Variants in GRIN2A observed in about 807,000 individuals in gnomAD.
The protein encoded by GRIN2A is glutamate ionotropic receptor NMDA type subunit 2A.
In GRIN2A, 22 loss-of-function variants were observed where a neutral mutation model predicts 113.4. The observed-to-expected ratio is 0.19, with a 90% CI of 0.14 to 0.28. The LOEUF is 0.28. Ranked by LOEUF, GRIN2A falls within the 10% of genes least tolerant of loss-of-function variation. The pLI, the probability that GRIN2A is intolerant of heterozygous loss-of-function variation, is 1.00. For missense variants in GRIN2A, 1,502 were observed against 1,887.0 expected, an observed-to-expected ratio of 0.80 and a Z score of 3.78; for synonymous variants, 827 against 738.4, an observed-to-expected ratio of 1.12 and a Z score of -1.94.
chr16:9,926,115 G>A (rs1417979930), intron 3 of GRIN2A, among the ~76,000 whole-genome samples: 1 of 152,126 alleles, frequency 6.6e-6, no homozygotes, highest in Non-Finnish European at 1.5e-5. Flanking sequence ...AATTCAGTCT[G>A]TCAAGGGGAA....
Position 9,941,675 on chromosome 16 carries a change from GA to G in GRIN2A, c.415-3125del, listed in dbSNP as rs944726449. 2.3e-3 allele frequency among the ~76,000 whole-genome samples: 351 copies of G among 151,676 alleles called. 3 individuals carry two copies. The highest frequency in any genetic ancestry group is 6.0e-3 in the African/African-American group (250 of 41,400). The stretch of plus-strand genomic sequence containing the variant: ...TCATTATGTGGCCTTGGATGGGGGG[GA>G]AAAAAAACACTCAGCCTTTCTAAGT... On this transcript the variant is annotated intron_variant, in intron 2 of 12. Coordinates refer to ENST00000330684, the MANE Select transcript of GRIN2A (RefSeq NM_001134407.3).
At chr16:10,057,804 G>A (rs950924407) in intron 2 of GRIN2A, among the ~76,000 whole-genome samples, 6 of 152,186 alleles carry the variant, frequency 3.9e-5, no homozygotes, top group Non-Finnish European at 7.3e-5. Flanking sequence ...TTAAGTAATG[G>A]GAGGGATACC....
At chr16:10,093,711 G>C (rs1022257721) in intron 2 of GRIN2A, among the ~76,000 whole-genome samples, 1 of 152,070 alleles carries the variant, frequency 6.6e-6, no homozygotes, top group Non-Finnish European at 1.5e-5. Flanking sequence ...TCACTGTCAC[G>C]TGATTCTGTG....
intron 3 of GRIN2A, among the ~76,000 whole-genome samples, chr16:9,924,213 G>A (rs1057044983): frequency 3.3e-5 from 5 of 149,800 alleles, no homozygotes; most frequent in African/African-American, 1.2e-4. Context: ...TCCATATTCT[G>A]TTTGGTATTA....
rs933314470 is a variant in GRIN2A at position 10,180,529 on chromosome 16, C to G, written c.-18-100G>C. On this transcript the variant is annotated intron_variant, in intron 1 of 12. Coordinates refer to ENST00000330684, the MANE Select transcript of GRIN2A (RefSeq NM_001134407.3). The surrounding 1 kb of genome is among the most constrained non-coding windows in gnomAD (Gnocchi z 7.0). The stretch of plus-strand genomic sequence containing the variant: ...CCTGCTCTAGGAGCCAGGCATGGAA[C>G]TCAGCAGCAGGATAGGCTGCTGGGA... The G allele has an allele frequency of 3.9e-5, 59 of 1,525,934 alleles. No homozygotes were observed. The highest frequency in any genetic ancestry group is 4.8e-5 in the Non-Finnish European group (55 of 1,142,550). The allele number at this position is 1,525,934 out of a possible 1,614,324, so 94.5% of individuals were successfully genotyped here.
intron 7 of GRIN2A, among the ~76,000 whole-genome samples, chr16:9,840,329 G>A (rs1464239660): frequency 2.0e-5 from 3 of 151,838 alleles, no homozygotes; most frequent in Non-Finnish European, 4.4e-5. Flanking sequence ...TATAATGAGA[G>A]CCCCTTATTA....
At chr16:10,052,125 A>T (rs2047369830) in intron 2 of GRIN2A, among the ~76,000 whole-genome samples, 1 of 152,276 alleles carries the variant, frequency 6.6e-6, no homozygotes, top group Non-Finnish European at 1.5e-5. Flanking sequence ...AAACATTGTC[A>T]TCAGGAAATT....
At chr16:9,819,359 C>T (rs775464356) in intron 10 of GRIN2A, among the ~76,000 whole-genome samples, 3 of 151,500 alleles carry the variant, frequency 2.0e-5, no homozygotes, top group African/African-American at 4.9e-5. Flanking sequence ...CATCTCCACA[C>T]GAAACACAAA....
At chr16:10,136,393 G>A (rs1191788291) in intron 2 of GRIN2A, among the ~76,000 whole-genome samples, 2 of 152,138 alleles carry the variant, frequency 1.3e-5, no homozygotes, top group East Asian at 3.8e-4. Flanking sequence ...TTTGCAACTA[G>A]GTGCTAATGA....
At chr16:9,961,384 C>G (rs1252890218) in intron 2 of GRIN2A, among the ~76,000 whole-genome samples, 1 of 152,120 alleles carries the variant, frequency 6.6e-6, no homozygotes, top group East Asian at 1.9e-4. Flanking sequence ...CTACACTTAT[C>G]CTAACGAATG....
intron 2 of GRIN2A, among the ~76,000 whole-genome samples, chr16:10,151,826 G>T (rs561306210): frequency 6.6e-6 from 1 of 152,114 alleles, no homozygotes; most frequent in East Asian, 1.9e-4. Context: ...TGTTATAAAC[G>T]AAAGAATCTG....
Position 9,757,509 on chromosome 16 carries a change from A to G in GRIN2A, c.*5640T>C, listed in dbSNP as rs867112549. ...GTTATCCTTTGTATTAGAGAACTGA[A>G]CTTCTAAACCATAAGCTACTTATGG... On this transcript the variant is annotated 3_prime_UTR_variant, in exon 13 of 13. Coordinates refer to ENST00000330684, the MANE Select transcript of GRIN2A (RefSeq NM_001134407.3). 2 of 229,124 alleles carry G rather than the reference A, an allele frequency of 8.7e-6. No homozygotes were observed. The highest frequency in any genetic ancestry group is 6.2e-5 in the East Asian group (1 of 16,126). 14.2% of individuals were successfully genotyped at this position (229,124 alleles called of 1,614,324 possible). A position where few individuals can be genotyped will look rare whatever the true frequency, so the allele number is the denominator to read the frequency against.
chr16:10,039,451 A>G (rs1038352807), intron 2 of GRIN2A, among the ~76,000 whole-genome samples: 2 of 152,128 alleles, frequency 1.3e-5, no homozygotes, highest in African/African-American at 4.8e-5. Context: ...TTAAACTGTA[A>G]AAGATAGAGT....
chr16:10,098,559 C>A (rs143930978), intron 2 of GRIN2A, among the ~76,000 whole-genome samples: 8 of 152,130 alleles, frequency 5.3e-5, no homozygotes, highest in African/African-American at 1.9e-4. Flanking sequence ...AGCCCAAATG[C>A]CCATTAATCG....
chr16:9,820,096 C>T (rs575489528), intron 10 of GRIN2A, among the ~76,000 whole-genome samples: 1 of 152,032 alleles, frequency 6.6e-6, no homozygotes, highest in East Asian at 1.9e-4. Context: ...TTCCAGAAAC[C>T]AATTTGTACA....
At chr16:9,819,015 A>G (rs1195296626) in intron 10 of GRIN2A, among the ~76,000 whole-genome samples, 2 of 152,210 alleles carry the variant, frequency 1.3e-5, no homozygotes, top group African/African-American at 4.8e-5. Flanking sequence ...TGCATAATGA[A>G]AGATTATGAC....
intron 2 of GRIN2A, among the ~76,000 whole-genome samples, chr16:9,958,953 G>T (rs1199160687): frequency 6.6e-6 from 1 of 152,142 alleles, no homozygotes; most frequent in Non-Finnish European, 1.5e-5. Flanking sequence ...GGAGTTGGTA[G>T]GGAAAAGGCA....
intron 4 of GRIN2A, among the ~76,000 whole-genome samples, chr16:9,874,085 C>T (rs745335174): frequency 5.3e-5 from 8 of 152,174 alleles, no homozygotes; most frequent in Non-Finnish European, 7.3e-5. Flanking sequence ...GCATTTCCAA[C>T]GGAGTCTTTC....
intron 2 of GRIN2A, among the ~76,000 whole-genome samples, chr16:9,954,519 T>C (rs1175044285): frequency 6.6e-6 from 1 of 152,122 alleles, no homozygotes; most frequent in African/African-American, 2.4e-5. Context: ...AGACACTATA[T>C]CTGATGGGGG....
Sources: gnomAD v4.1 joint callset for allele counts (sites outside exome capture counted in the v4.1 genomes callset) on GRCh38, gnomAD v4.1.1 for gene constraint, Gnocchi (gnomAD v3.1) non-coding constraint, MANE v1.5 for transcripts, NCBI Gene and HGNC (gene_info 2026-07-23, HGNC 2026-07-21) for gene names.